Variants in NRXN3 observed in about 807,000 individuals in gnomAD.
NRXN3 encodes neurexin 3, also known as neurexin III.
NRXN3 carries 32 observed loss-of-function variants against 137.6 expected under a neutral mutation model. The observed-to-expected ratio is 0.23, with a 90% CI of 0.18 to 0.31. The LOEUF (loss-of-function observed/expected upper bound fraction) is 0.31, where lower values mean the gene tolerates loss of function less well. Among genes scored for constraint, NRXN3 ranks in the 10% least tolerant of loss-of-function variants. The pLI is 1.00. For synonymous variants in NRXN3, 798 were observed against 784.5 expected (o/e 1.02, Z -0.29); for missense variants, 1,574 against 2,062.5 (o/e 0.76, Z 4.59).
chr14:78,953,432 A>G (rs1195063418), intron 10 of NRXN3, among the ~76,000 whole-genome samples: 1 of 152,222 alleles, frequency 6.6e-6, no homozygotes, highest in East Asian at 1.9e-4. Flanking sequence ...CCCATTCAAC[A>G]GAGAATTAGG....
intron 16 of NRXN3, among the ~76,000 whole-genome samples, chr14:79,513,823 A>G (rs1048686867): frequency 6.6e-6 from 1 of 152,198 alleles, no homozygotes; most frequent in African/African-American, 2.4e-5. Flanking sequence ...CACAAATTCT[A>G]CAAAATCATT....
intron 19 of NRXN3, among the ~76,000 whole-genome samples, chr14:79,790,365 C>T (rs931964058): frequency 5.3e-5 from 8 of 151,870 alleles, no homozygotes; most frequent in South Asian, 2.1e-4. Context: ...GAGGGTGGCA[C>T]GATCATGGCT....
intron 6 of NRXN3, among the ~76,000 whole-genome samples, chr14:78,691,848 G>A (rs981040062): frequency 4.6e-5 from 7 of 152,098 alleles, no homozygotes; most frequent in Non-Finnish European, 2.9e-5. Flanking sequence ...CTGGTCAGAA[G>A]AGAGTTGACT....
chr14:79,801,479 G>A (rs1360847024), intron 19 of NRXN3, among the ~76,000 whole-genome samples: 4 of 152,182 alleles, frequency 2.6e-5, no homozygotes, highest in African/African-American at 7.2e-5. Context: ...TTGAGAGGCT[G>A]ATGTTGATTA....
intron 15 of NRXN3, among the ~76,000 whole-genome samples, chr14:79,347,428 T>C (rs1347501349): frequency 8.8e-5 from 13 of 146,906 alleles, no homozygotes; most frequent in Non-Finnish European, 4.5e-5. Flanking sequence ...ACGTTTTCCT[T>C]TTTTTTTTTT....
In NRXN3 at chr14:79,032,709, G is replaced by T. The variant is rs77220586; in HGVS notation, c.3262+44568G>T. ...AGTTAGTTCTTCTAGCAATACATTG[G>T]TTAAAACTAGTCAATGACTTTTCAT... On this transcript the variant is annotated intron_variant, in intron 15 of 20. Transcript: ENST00000335750. 8.0e-3 allele frequency among the ~76,000 whole-genome samples: 1,218 copies of T among 152,200 alleles called. 12 individuals carry two copies. Among genetic ancestry groups the T allele is most frequent in the African/African-American group, 0.028 (1,184 of 41,546 alleles).
At chr14:79,457,198 TA>T (rs1256316400) in intron 15 of NRXN3, among the ~76,000 whole-genome samples, 14 of 152,262 alleles carry the variant, frequency 9.2e-5, no homozygotes, top group Non-Finnish European at 1.8e-4. Context: ...AGGAAAATAA[TA>T]ATTTCTTTGT....
Position 78,907,288 on chromosome 14 carries a change from C to T in NRXN3, c.2276-49954C>T, listed in dbSNP as rs114039983. Reference sequence around the variant, plus strand: ...TATGAGGTGCTTTGGAATAGTATCTCCTGAACACGTCAAGATATCACCAGG... The same window carrying T: ...TATGAGGTGCTTTGGAATAGTATCTTCTGAACACGTCAAGATATCACCAGG... On this transcript the variant is annotated intron_variant, in intron 10 of 20. Transcript: ENST00000335750. 6.1e-3 allele frequency among the ~76,000 whole-genome samples: 932 copies of T among 152,022 alleles called. 11 individuals are homozygous for T. The highest frequency in any genetic ancestry group is 0.022 in the African/African-American group (898 of 41,488).
intron 10 of NRXN3, among the ~76,000 whole-genome samples, chr14:78,908,773 A>G (rs1052626055): frequency 6.6e-6 from 1 of 152,060 alleles, no homozygotes; most frequent in African/African-American, 2.4e-5. Context: ...ACAAACATCA[A>G]ATTTATGGTG....
intron 4 of NRXN3, among the ~76,000 whole-genome samples, chr14:78,613,994 T>A (rs1299090949): frequency 6.6e-6 from 1 of 152,190 alleles, no homozygotes; most frequent in African/African-American, 2.4e-5. Flanking sequence ...GATCATACAA[T>A]TTTAGACTCT....
chr14:78,973,456 T>G (rs1369843646), intron 14 of NRXN3, among the ~76,000 whole-genome samples: 1 of 152,192 alleles, frequency 6.6e-6, no homozygotes, highest in Admixed American at 6.5e-5. Context: ...TTCTGGGCAT[T>G]TGGGAGACAC....
At chr14:79,161,324 A>G (rs540128824) in intron 15 of NRXN3, among the ~76,000 whole-genome samples, 5 of 152,008 alleles carry the variant, frequency 3.3e-5, no homozygotes, top group African/African-American at 1.2e-4. Context: ...AGAAGTTTAT[A>G]CTCACTTCCT....
intron 1 of NRXN3, among the ~76,000 whole-genome samples, chr14:78,200,886 TATA>T (rs1392595195): frequency 1.4e-4 from 21 of 152,158 alleles, no homozygotes; most frequent in Admixed American, 4.6e-4. Flanking sequence ...GGTGGTGTGA[TATA>T]ATTTTCTGGA....
chr14:78,876,482 G>C lies in NRXN3; in HGVS notation c.2275+66138G>C, dbSNP rs1158603305. 6.6e-5 allele frequency among the ~76,000 whole-genome samples: 10 copies of C among 152,326 alleles called. No homozygotes were observed. The East Asian group carries it at 1.9e-3, about 29-fold the overall frequency. On this transcript the variant is annotated intron_variant, in intron 10 of 20. Transcript: ENST00000335750. ...TCTAATTAGATTCATAGTGTACTTA[G>C]TGTATTGTAATTATATGTGGCAGAG...
At chr14:79,290,663 GA>G (rs11349861) in intron 15 of NRXN3, among the ~76,000 whole-genome samples, 47,064 of 106,692 alleles carry the variant, frequency 0.44, 7,859 homozygotes, top group Admixed American at 0.54. Flanking sequence ...GGTGGTTCCA[GA>G]AAAAAAAAAA....
intron 15 of NRXN3, among the ~76,000 whole-genome samples, chr14:79,378,569 A>G (rs975915636): frequency 6.6e-6 from 1 of 152,194 alleles, no homozygotes; most frequent in Non-Finnish European, 1.5e-5. Context: ...AGTGCTTTAT[A>G]TGGAGCTCTA....
chr14:79,729,826 C>T (rs536245413), intron 19 of NRXN3, among the ~76,000 whole-genome samples: 3 of 152,236 alleles, frequency 2.0e-5, no homozygotes, highest in African/African-American at 7.2e-5. Context: ...CGAGTGAGTG[C>T]AGGGCATGGC....
chr14:78,860,345 A>C (rs887562912), intron 10 of NRXN3, among the ~76,000 whole-genome samples: 1 of 152,160 alleles, frequency 6.6e-6, no homozygotes, highest in African/African-American at 2.4e-5. Flanking sequence ...TAAATTCAGC[A>C]TTCAAGTTCA....
At chr14:78,456,758 C>A (rs924412233) in intron 4 of NRXN3, among the ~76,000 whole-genome samples, 1 of 151,948 alleles carries the variant, frequency 6.6e-6, no homozygotes, top group Non-Finnish European at 1.5e-5. Context: ...TCTCCCCCTA[C>A]AGGCTCTGCA....
Sources: allele counts gnomAD v4.1 joint callset (sites outside exome capture counted in the v4.1 genomes callset), GRCh38; gene constraint gnomAD v4.1.1; transcripts MANE v1.5; gene names NCBI Gene and HGNC (gene_info 2026-07-23, HGNC 2026-07-21).